Variants in DNMBP observed in about 807,000 individuals in gnomAD.
The protein encoded by DNMBP is dynamin binding protein.
DNMBP carries 87 observed loss-of-function variants against 150.0 expected under a neutral mutation model. The ratio of observed to expected loss-of-function variants is 0.58; its 90% CI spans 0.49 to 0.69. DNMBP has a LOEUF of 0.69. Ranked by LOEUF, DNMBP falls within the 30% of genes least tolerant of loss-of-function variation. The pLI is 0.00. For synonymous variants in DNMBP, 711 were observed against 750.4 expected (o/e 0.95, Z 0.86); for missense variants, 1,774 against 1,949.0 (o/e 0.91, Z 1.69).
chr10:99,913,398 A>C (rs1431444116), intron 4 of DNMBP, among the ~76,000 whole-genome samples: 1 of 152,174 alleles, frequency 6.6e-6, no homozygotes, highest in Non-Finnish European at 1.5e-5. Flanking sequence ...AATGGGCCCG[A>C]ATATGCCATC....
intron 3 of DNMBP, among the ~76,000 whole-genome samples, chr10:99,962,858 A>C (rs2040579416): frequency 6.6e-6 from 1 of 152,214 alleles, no homozygotes; most frequent in Admixed American, 6.5e-5. Context: ...TTGTTTTGTC[A>C]GATCCCCCTG....
chr10:99,881,016 A>AG (rs2039359054), intron 15 of DNMBP, among the ~76,000 whole-genome samples: 1 of 152,224 alleles, frequency 6.6e-6, no homozygotes, highest in African/African-American at 2.4e-5. Context: ...ACCAGAGGTC[A>AG]GGAGTTCACA....
intron 4 of DNMBP, among the ~76,000 whole-genome samples, chr10:99,954,125 C>A (rs1188616189): frequency 6.6e-6 from 1 of 151,974 alleles, no homozygotes; most frequent in East Asian, 1.9e-4. Context: ...CTCTGCCTCC[C>A]AGGTTCAAGC....
chr10:99,878,417 C>A (rs2039308641), intron 16 of DNMBP, among the ~76,000 whole-genome samples: 1 of 152,228 alleles, frequency 6.6e-6, no homozygotes, highest in African/African-American at 2.4e-5. Context: ...TGCTCGAACT[C>A]AATCTAAGAA....
chr10:99,995,375 G>A (rs1358067656), intron 1 of DNMBP, among the ~76,000 whole-genome samples: 1 of 152,046 alleles, frequency 6.6e-6, no homozygotes, highest in African/African-American at 2.4e-5. Context: ...CATCTTTACC[G>A]CCTGAAGTTC....
chr10:99,890,218 T>C (rs988071455), intron 11 of DNMBP, among the ~76,000 whole-genome samples: 5 of 152,212 alleles, frequency 3.3e-5, no homozygotes, highest in Non-Finnish European at 5.9e-5. Context: ...TTTAAAGGAA[T>C]GTTATAAAGT....
chr10:99,989,366 C>T (rs2040862206), intron 1 of DNMBP, among the ~76,000 whole-genome samples: 1 of 152,176 alleles, frequency 6.6e-6, no homozygotes, highest in Non-Finnish European at 1.5e-5. Context: ...GAAGAGCATG[C>T]CCTGAAAGCC....
rs759556841 is a variant in DNMBP, at chr10:99,957,182, T to C, written c.292A>G (p.Ile98Val). 3 of 1,604,532 alleles carry C rather than the reference T, an allele frequency of 1.9e-6. No homozygotes were observed. Among genetic ancestry groups the C allele is most frequent in the Non-Finnish European group, 1.7e-6 (2 of 1,179,688 alleles). Residue 98 changes from isoleucine to valine, a missense_variant, in exon 4 of 17, where the codon ATT becomes GTT. Physicochemically the swap from Ile to Val is conservative, Grantham distance 29. Transcript: ENST00000324109. ...HRGDLVILDG[I>V]PTAGWLQGRS... Reference sequence around the variant, plus strand: ...CCCTGCAGCCAGCCTGCAGTGGGAATGCCATCGAGAATCACCAGGTCACCT... The same window carrying C: ...CCCTGCAGCCAGCCTGCAGTGGGAACGCCATCGAGAATCACCAGGTCACCT...
chr10:99,924,523 T>C (rs994902720), intron 4 of DNMBP, among the ~76,000 whole-genome samples: 2 of 152,244 alleles, frequency 1.3e-5, no homozygotes, highest in Admixed American at 6.5e-5. Flanking sequence ...TTACTGTCTA[T>C]GCTATACATA....
At chr10:99,951,343 C>T (rs1348716131) in intron 4 of DNMBP, among the ~76,000 whole-genome samples, 1 of 152,210 alleles carries the variant, frequency 6.6e-6, no homozygotes, top group Non-Finnish European at 1.5e-5. Flanking sequence ...GTCAGAGCCT[C>T]TACACAGAGT....
intron 4 of DNMBP, among the ~76,000 whole-genome samples, chr10:99,932,890 T>C (rs546946438): frequency 6.6e-6 from 1 of 151,616 alleles, no homozygotes; most frequent in African/African-American, 2.4e-5. Flanking sequence ...ACCAATCTAA[T>C]GGAAAAAGTG....
At chr10:99,932,552 T>A (rs1477971066) in intron 4 of DNMBP, among the ~76,000 whole-genome samples, 6 of 151,366 alleles carry the variant, frequency 4.0e-5, no homozygotes, top group South Asian at 2.1e-4. Context: ...ATAAAGCACA[T>A]AGTTCCCCTG....
At chr10:100,008,107 T>C (rs2041095118) in intron 1 of DNMBP, among the ~76,000 whole-genome samples, 1 of 152,296 alleles carries the variant, frequency 6.6e-6, no homozygotes, top group East Asian at 1.9e-4. Context: ...CCAGGCTCGG[T>C]GGCTCACGCC....
chr10:99,998,051 C>T (rs192584935), intron 1 of DNMBP, among the ~76,000 whole-genome samples: 124 of 148,746 alleles, frequency 8.3e-4, no homozygotes, highest in Non-Finnish European at 1.5e-3. Flanking sequence ...CTGGCTAACA[C>T]AGTGAAACCC....
intron 4 of DNMBP, chr10:99,929,566 T>G: frequency 1.6e-6 from 1 of 614,002 alleles, no homozygotes; most frequent in South Asian, 2.0e-5. Context: ...CCTTTAAATC[T>G]ATCTTTATGC....
chr10:99,962,379 C>T (rs558725710), intron 3 of DNMBP, among the ~76,000 whole-genome samples: 2 of 152,244 alleles, frequency 1.3e-5, no homozygotes, highest in Non-Finnish European at 2.9e-5. Flanking sequence ...CGCCTGTAAT[C>T]CCAGCACTTT....
At chr10:99,946,494 C>T (rs968653359) in intron 4 of DNMBP, among the ~76,000 whole-genome samples, 1 of 152,054 alleles carries the variant, frequency 6.6e-6, no homozygotes, top group African/African-American at 2.4e-5. Flanking sequence ...ACAAAGTTGA[C>T]CAAAATAAGC....
In DNMBP at chr10:99,956,309, C is replaced by A; in HGVS notation, c.1165G>T (p.Gly389Cys). The change falls in exon 4 of 17, where the codon GGC (glycine) becomes TGC (cysteine). Residue 389 changes from glycine (G) to cysteine (C), a missense_variant. Gly to Cys is a radical substitution (Grantham distance 159, BLOSUM62 -3). Coordinates refer to ENST00000324109, the MANE Select transcript of DNMBP (RefSeq NM_015221.4). ...GCAAGAGGCATTTCCCACTCCACGC[C>A]TGGGCTTCTCGGGGGCCCTCCTGCG... Reference protein sequence around the residue: ...DTAGGPPRSPGVEWEMPLATD... With the variant: ...DTAGGPPRSPCVEWEMPLATD... 1 of 1,613,746 alleles carries A rather than the reference C, an allele frequency of 6.2e-7. No individual in the cohort carries two copies. The highest frequency in any genetic ancestry group is 1.1e-5 in the South Asian group (1 of 91,042).
intron 4 of DNMBP, among the ~76,000 whole-genome samples, chr10:99,936,440 G>C (rs2040232138): frequency 6.6e-6 from 1 of 151,890 alleles, no homozygotes; most frequent in Non-Finnish European, 1.5e-5. Flanking sequence ...AAGGCCTCTG[G>C]AGAACATGAT....
Sources: gnomAD v4.1 joint callset for allele counts (sites outside exome capture counted in the v4.1 genomes callset) on GRCh38, gnomAD v4.1.1 for gene constraint, MANE v1.5 for transcripts, NCBI Gene and HGNC (gene_info 2026-07-23, HGNC 2026-07-21) for gene names.